Variants in HDAC4 observed in about 807,000 individuals in gnomAD.
HDAC4 encodes histone deacetylase 4.
Under a neutral mutation model 135.1 loss-of-function variants are expected in HDAC4, and 16 were observed. The ratio of observed to expected loss-of-function variants is 0.12; its 90% CI spans 0.08 to 0.18. The LOEUF (loss-of-function observed/expected upper bound fraction) is 0.18. Among genes scored for constraint, HDAC4 ranks in the 10% least tolerant of loss-of-function variants. HDAC4 has a pLI of 1.00. For missense variants in HDAC4, 1,143 were observed against 1,511.8 expected, an observed-to-expected ratio of 0.76 and a Z score of 4.05; for synonymous variants, 685 against 653.4, an observed-to-expected ratio of 1.05 and a Z score of -0.74.
At chr2:239,111,124 T>G (rs2038630963) in intron 14 of HDAC4, among the ~76,000 whole-genome samples, 1 of 152,248 alleles carries the variant, frequency 6.6e-6, no homozygotes, top group Admixed American at 6.5e-5. Flanking sequence ...GCCCTGTCAC[T>G]GGAGCCTCAG....
Position 239,355,907 on chromosome 2 carries a change from A to G in HDAC4, c.-219-2989T>C, listed in dbSNP as rs58984502. Among the ~76,000 whole-genome samples, 746 of 152,360 alleles carry G rather than the reference A, an allele frequency of 4.9e-3. 4 individuals are homozygous for G. The highest frequency in any genetic ancestry group is 0.017 in the African/African-American group (718 of 41,590). On this transcript the variant is annotated intron_variant, in intron 1 of 26. Coordinates refer to ENST00000543185, the MANE Select transcript of HDAC4 (RefSeq NM_001378414.1). The stretch of plus-strand genomic sequence containing the variant: ...AGTGTCTAGCAAGGTTTCACCTAAC[A>G]TAGTGCTGACAGCTAGAAACGGATT...
intron 9 of HDAC4, among the ~76,000 whole-genome samples, chr2:239,135,541 A>G (rs1040586252): frequency 3.9e-5 from 6 of 152,250 alleles, no homozygotes; most frequent in Admixed American, 2.0e-4. Flanking sequence ...AACGGCGAAC[A>G]CTGTTGGGTG....
chr2:239,154,470 C>G (rs1329482278), intron 7 of HDAC4: 1 of 152,264 alleles, frequency 6.6e-6, no homozygotes, highest in Non-Finnish European at 1.5e-5. Context: ...ACACATCCAA[C>G]CCACAGCACT....
chr2:239,144,778 G>A, intron 7 of HDAC4, 64 bp from the exon 8 acceptor site: 7 of 1,582,990 alleles, frequency 4.4e-6, no homozygotes, highest in Non-Finnish European at 6.1e-6. Flanking sequence ...TATCCTGTTG[G>A]TGGTTTTTTA....
chr2:239,089,236 A>T (rs2036265699), intron 18 of HDAC4, among the ~76,000 whole-genome samples: 1 of 152,228 alleles, frequency 6.6e-6, no homozygotes, highest in African/African-American at 2.4e-5. Context: ...ATGTACTTCA[A>T]CATGTCCCAA....
intron 1 of HDAC4, among the ~76,000 whole-genome samples, chr2:239,365,783 A>C (rs1575756196): frequency 6.6e-6 from 1 of 151,804 alleles, no homozygotes; most frequent in East Asian, 2.0e-4. Context: ...ACACGCATGC[A>C]CAGACCAGGG....
rs201744866 is a variant in HDAC4, at chr2:239,391,078, G to A, written c.-220+9900C>T. ...CCTCAGGGCCAGGGGCCTCGGCTCG[G>A]CCTCGATACGAATCACACTGTGGCC... On this transcript the variant is annotated intron_variant, in intron 1 of 26. Coordinates refer to ENST00000543185, the MANE Select transcript of HDAC4 (RefSeq NM_001378414.1). Among the ~76,000 whole-genome samples the A allele has an allele frequency of 2.6e-5, 4 of 152,180 alleles. No individual in the cohort carries two copies. In the East Asian group the frequency reaches 7.7e-4, roughly 29 times the overall value.
chr2:239,354,976 A>G (rs1409343072), intron 1 of HDAC4, among the ~76,000 whole-genome samples: 1 of 152,094 alleles, frequency 6.6e-6, no homozygotes, highest in Non-Finnish European at 1.5e-5. Flanking sequence ...TTCCCCCCTC[A>G]ACATTGTAGG....
At chr2:239,122,311 C>T (rs13398827) in intron 12 of HDAC4, among the ~76,000 whole-genome samples, 2,885 of 152,284 alleles carry the variant, frequency 0.019, 79 homozygotes, top group African/African-American at 0.061. Context: ...GGGTGGAGGA[C>T]ACCTTCCAAC....
At chr2:239,148,998 A>G (rs537014533) in intron 7 of HDAC4, among the ~76,000 whole-genome samples, 1 of 152,222 alleles carries the variant, frequency 6.6e-6, no homozygotes, top group South Asian at 2.1e-4. Flanking sequence ...TGAACGTGAC[A>G]CACGCTGTAA....
At chr2:239,178,320 G>C (rs1360670428) in intron 4 of HDAC4, among the ~76,000 whole-genome samples, 2 of 152,218 alleles carry the variant, frequency 1.3e-5, no homozygotes, top group Non-Finnish European at 2.9e-5. Context: ...GCCCAGGCTG[G>C]AGTGCAGTGG....
intron 2 of HDAC4, among the ~76,000 whole-genome samples, chr2:239,252,460 T>C (rs2048836841): frequency 6.6e-6 from 1 of 152,208 alleles, no homozygotes; most frequent in Non-Finnish European, 1.5e-5. Context: ...TGGGAGCAAG[T>C]CCTCTGACTT....
chr2:239,238,218 A>G (rs535923919), intron 2 of HDAC4, among the ~76,000 whole-genome samples: 2 of 152,192 alleles, frequency 1.3e-5, no homozygotes, highest in Admixed American at 6.5e-5. Context: ...AAATAAATAT[A>G]TTTGTATTCA....
intron 11 of HDAC4, among the ~76,000 whole-genome samples, chr2:239,131,780 G>A (rs914823491): frequency 1.3e-5 from 2 of 152,224 alleles, no homozygotes; most frequent in African/African-American, 4.8e-5. Flanking sequence ...ACAGCCGTGG[G>A]CCGTGCACTG....
chr2:239,235,839 A>G (rs2047857370), intron 3 of HDAC4, among the ~76,000 whole-genome samples: 1 of 152,188 alleles, frequency 6.6e-6, no homozygotes, highest in Non-Finnish European at 1.5e-5. Flanking sequence ...CAGGAGTTCA[A>G]GACCAGCCTG....
At chr2:239,269,189 CCACA>C (rs556138098) in intron 2 of HDAC4, among the ~76,000 whole-genome samples, 49 of 151,508 alleles carry the variant, frequency 3.2e-4, no homozygotes, top group East Asian at 2.0e-3. Flanking sequence ...ATTCACACAC[CCACA>C]CACATTCACA....
intron 1 of HDAC4, among the ~76,000 whole-genome samples, chr2:239,369,711 A>AGCTGT (rs1694472305): frequency 6.6e-6 from 1 of 152,198 alleles, no homozygotes; most frequent in African/African-American, 2.4e-5. Context: ...GCGCCTCGGA[A>AGCTGT]GCCAGGTTGC....
At chr2:239,302,536 T>C (rs939012371) in intron 2 of HDAC4, among the ~76,000 whole-genome samples, 10 of 152,324 alleles carry the variant, frequency 6.6e-5, no homozygotes, top group African/African-American at 2.2e-4. Flanking sequence ...AGAATCCACG[T>C]GGGGCCATGA....
chr2:239,285,634 C>T lies in HDAC4; in HGVS notation c.23-48970G>A, dbSNP rs766990654. Among the ~76,000 whole-genome samples, 1 of 152,202 alleles carries T rather than the reference C, an allele frequency of 6.6e-6. No homozygotes were observed. Among genetic ancestry groups the T allele is most frequent in the Non-Finnish European group, 1.5e-5 (1 of 68,028 alleles). ...GGGACGTGGCAGACAAGTCATCTTACAGGCTCTTGTGCTGTGGAAACCCCA... is the reference window on the plus strand; with the variant it reads ...GGGACGTGGCAGACAAGTCATCTTATAGGCTCTTGTGCTGTGGAAACCCCA... On this transcript the variant is annotated intron_variant, in intron 2 of 26. Coordinates refer to ENST00000543185, the MANE Select transcript of HDAC4 (RefSeq NM_001378414.1). The surrounding 1 kb of genome is among the most constrained non-coding windows in gnomAD (Gnocchi z 4.5).
Sources: allele counts gnomAD v4.1 joint callset (sites outside exome capture counted in the v4.1 genomes callset), GRCh38; gene constraint gnomAD v4.1.1; non-coding constraint Gnocchi (gnomAD v3.1); transcripts MANE v1.5; gene names NCBI Gene and HGNC (gene_info 2026-07-23, HGNC 2026-07-21).